Variants in STAG1 observed in about 807,000 individuals in gnomAD.
STAG1 encodes cohesin subunit SA-1.
A neutral mutation model predicts 170.9 loss-of-function variants in STAG1; 26 were observed. The observed-to-expected ratio is 0.15, with a 90% confidence interval of 0.11 to 0.21. The LOEUF is 0.21. STAG1 is among the 10% of genes least tolerant of loss of function. STAG1 has a pLI of 1.00. For synonymous variants in STAG1, 514 were observed against 497.7 expected (o/e 1.03, Z -0.44); for missense variants, 964 against 1,509.5 (o/e 0.64, Z 5.99).
chr3:136,538,334 G>GT (rs1318024698), intron 6 of STAG1, among the ~76,000 whole-genome samples: 1 of 151,670 alleles, frequency 6.6e-6, no homozygotes, highest in Non-Finnish European at 1.5e-5. Flanking sequence ...ATCTTTTCAT[G>GT]TATTTACTAT....
At chr3:136,723,156 G>A (rs547950825) in intron 1 of STAG1, among the ~76,000 whole-genome samples, 4 of 148,484 alleles carry the variant, frequency 2.7e-5, no homozygotes, top group South Asian at 2.2e-4. Context: ...GCCGCCCATC[G>A]TCTGGGACGT....
At chr3:136,574,746 C>T (rs932188773) in intron 4 of STAG1, among the ~76,000 whole-genome samples, 2 of 152,138 alleles carry the variant, frequency 1.3e-5, no homozygotes, top group African/African-American at 4.8e-5. Flanking sequence ...TAACACACAT[C>T]TTTTGGTAAC....
intron 1 of STAG1, among the ~76,000 whole-genome samples, chr3:136,681,379 T>G (rs1318550078): frequency 3.3e-5 from 5 of 152,218 alleles, no homozygotes; most frequent in African/African-American, 1.2e-4. Flanking sequence ...TTGAACGATT[T>G]AAATGAACAG....
chr3:136,526,176 G>C (rs1179385590), intron 6 of STAG1, among the ~76,000 whole-genome samples: 3 of 152,174 alleles, frequency 2.0e-5, no homozygotes, highest in Admixed American at 6.5e-5. Context: ...TCATCGATCT[G>C]TCTAATGTTG....
At chr3:136,416,037 C>G (rs559719555) in intron 21 of STAG1, among the ~76,000 whole-genome samples, 1 of 150,962 alleles carries the variant, frequency 6.6e-6, no homozygotes, top group Non-Finnish European at 1.5e-5. Context: ...GAGACGGAGT[C>G]TTGCTCATCG....
intron 12 of STAG1, among the ~76,000 whole-genome samples, chr3:136,471,042 G>T (rs923403711): frequency 6.6e-6 from 1 of 151,508 alleles, no homozygotes; most frequent in South Asian, 2.1e-4. Context: ...GAGTTAGTGA[G>T]TGCAGCACAC....
At chr3:136,484,464 A>C (rs1322266985) in intron 9 of STAG1, among the ~76,000 whole-genome samples, 3 of 145,688 alleles carry the variant, frequency 2.1e-5, no homozygotes, top group Non-Finnish European at 3.0e-5. Flanking sequence ...TGCTGGGAGA[A>C]CCACTGCTCT....
chr3:136,386,576 G>A (rs1327267737), intron 22 of STAG1, among the ~76,000 whole-genome samples: 1 of 152,126 alleles, frequency 6.6e-6, no homozygotes, highest in East Asian at 1.9e-4. Context: ...GGAAAGGTAA[G>A]GGAGTTTAAT....
At chr3:136,500,065 T>C in intron 9 of STAG1, 158 bp downstream of exon 9, 2 of 553,922 alleles carry the variant, frequency 3.6e-6, no homozygotes, top group Admixed American at 3.4e-5. Context: ...TCATACAATT[T>C]CTTCTATAGT....
Position 136,604,312 on chromosome 3 carries a change from C to A in STAG1, c.294G>T (p.Met98Ile). ...FEVVKLGKSA[M>I]QSVVDDWIES... ...GAAATAAAAACTTAAAATTTACCTG[C>A]ATTGCACTTTTCCCCAGTTTCACCA... The change falls in exon 4 of 34, where the codon ATG (methionine) becomes ATT (isoleucine). Residue 98 changes from methionine (M) to isoleucine (I), a missense_variant. By Grantham distance (10) the Met-to-Ile change is conservative. Transcript: ENST00000383202. 6.2e-7 allele frequency: 1 copy of A among 1,603,868 alleles called. No individual in the cohort carries two copies.
intron 1 of STAG1, among the ~76,000 whole-genome samples, chr3:136,749,785 T>G (rs1162446268): frequency 2.0e-5 from 3 of 151,148 alleles, no homozygotes; most frequent in Non-Finnish European, 2.9e-5. Flanking sequence ...GCCTCAGATA[T>G]GCACTGCAAT....
intron 22 of STAG1, among the ~76,000 whole-genome samples, chr3:136,384,149 A>C (rs1428547199): frequency 6.6e-6 from 1 of 151,998 alleles, no homozygotes; most frequent in Non-Finnish European, 1.5e-5. Context: ...GACAGGCAGC[A>C]TTATGAAAGT....
chr3:136,647,251 T>C (rs1016938766), intron 1 of STAG1, among the ~76,000 whole-genome samples: 7 of 152,032 alleles, frequency 4.6e-5, no homozygotes, highest in East Asian at 1.9e-4. Flanking sequence ...TTAGTAAATA[T>C]TGTGGTTATT....
At chr3:136,370,338 T>A (rs1937262402) in intron 23 of STAG1, among the ~76,000 whole-genome samples, 1 of 151,952 alleles carries the variant, frequency 6.6e-6, no homozygotes, top group Non-Finnish European at 1.5e-5. Flanking sequence ...GGCTAATGTA[T>A]GTGTTTCTTT....
At chr3:136,577,892 C>A (rs539289416) in intron 4 of STAG1, among the ~76,000 whole-genome samples, 1 of 152,270 alleles carries the variant, frequency 6.6e-6, no homozygotes, top group East Asian at 1.9e-4. Flanking sequence ...TAGTTCCTGT[C>A]GCTGAAAGTG....
chr3:136,502,759 G>C lies in STAG1; in HGVS notation c.697C>G (p.Leu233Val). ...CTGAGGTTTAAGGCAACATTCACCA[G>C]AGCAGTCATGAGCTTCATGGCTATG... Reference protein sequence around the residue: ...TLAAMKLMTALVNVALNLSIH... With the variant: ...TLAAMKLMTAVVNVALNLSIH... Residue 233 changes from leucine (L) to valine (V), a missense_variant, in exon 8 of 34, where the codon CTG becomes GTG. Physicochemically the swap from Leu to Val is conservative, Grantham distance 32. Around this residue, in one of 11 missense-constraint regions of STAG1, gnomAD observed 57 missense variants for 157.6 expected, o/e 0.36. Coordinates refer to ENST00000383202, the MANE Select transcript of STAG1 (RefSeq NM_005862.3). The C allele has an allele frequency of 1.2e-6, 2 of 1,602,128 alleles. No homozygotes were observed. Among genetic ancestry groups the C allele is most frequent in the Non-Finnish European group, 1.7e-6 (2 of 1,175,618 alleles).
chr3:136,691,223 CAGG>C (rs1171695310), intron 1 of STAG1, among the ~76,000 whole-genome samples: 1 of 151,952 alleles, frequency 6.6e-6, no homozygotes, highest in Non-Finnish European at 1.5e-5. Flanking sequence ...ATCATGAGGT[CAGG>C]AGATCGAGAC....
At chr3:136,391,158 T>C (rs2108327671) in intron 22 of STAG1, among the ~76,000 whole-genome samples, 1 of 152,288 alleles carries the variant, frequency 6.6e-6, no homozygotes, top group East Asian at 1.9e-4. Flanking sequence ...CATAAAGGAT[T>C]TGAAATAGGG....
chr3:136,423,908 G>T (rs891436821), intron 16 of STAG1, among the ~76,000 whole-genome samples: 5 of 151,532 alleles, frequency 3.3e-5, no homozygotes, highest in African/African-American at 1.2e-4. Context: ...CTGTCACCCA[G>T]GCTGGAGTGC....
Sources: allele counts gnomAD v4.1 joint callset (sites outside exome capture counted in the v4.1 genomes callset), GRCh38; gene constraint gnomAD v4.1.1; regional missense constraint gnomAD v4.1.1; transcripts MANE v1.5; gene names NCBI Gene and HGNC (gene_info 2026-07-23, HGNC 2026-07-21).